Variants in STK32A observed in about 807,000 individuals in gnomAD.
STK32A encodes serine/threonine-protein kinase 32A.
In STK32A, 41 loss-of-function variants were observed where a neutral mutation model predicts 53.2. The observed-to-expected ratio is 0.77, with a 90% CI of 0.60 to 1.00. The LOEUF (loss-of-function observed/expected upper bound fraction) is 1.00. Among genes scored for constraint, STK32A ranks in the 50% least tolerant of loss-of-function variants. The pLI, the probability that STK32A is intolerant of heterozygous loss-of-function variation, is 0.00. For synonymous variants in STK32A, 166 were observed against 162.8 expected (o/e 1.02, Z -0.15); for missense variants, 458 against 485.8 (o/e 0.94, Z 0.54).
chr5:147,366,240 T>C (rs1323408631), intron 8 of STK32A, among the ~76,000 whole-genome samples: 3 of 152,200 alleles, frequency 2.0e-5, no homozygotes, highest in African/African-American at 4.8e-5. Flanking sequence ...TCTCAAAGCA[T>C]CTCTTGGGTT....
At chr5:147,337,701 GTGGGGGT>G (rs1360592120) in intron 5 of STK32A, among the ~76,000 whole-genome samples, 2 of 151,946 alleles carry the variant, frequency 1.3e-5, no homozygotes, top group South Asian at 4.2e-4. Flanking sequence ...TTACGTCCTA[GTGGGGGT>G]TGGGGGTTGG....
At chr5:147,369,215 T>C (rs1756900475) in intron 8 of STK32A, among the ~76,000 whole-genome samples, 1 of 152,130 alleles carries the variant, frequency 6.6e-6, no homozygotes, top group South Asian at 2.1e-4. Flanking sequence ...TGTTTTTAGA[T>C]CTTACTTAAA....
chr5:147,281,039 A>G (rs923061144), intron 4 of STK32A, among the ~76,000 whole-genome samples: 2 of 152,244 alleles, frequency 1.3e-5, no homozygotes, highest in Admixed American at 1.3e-4. Flanking sequence ...AGAGATAACA[A>G]TCACTGCAGT....
chr5:147,267,755 A>G (rs1037259935), intron 2 of STK32A, among the ~76,000 whole-genome samples: 9 of 152,178 alleles, frequency 5.9e-5, no homozygotes, highest in African/African-American at 2.2e-4. Context: ...ATTTATATAA[A>G]TACTTATCTA....
At chr5:147,315,767 G>A (rs1753963566) in intron 4 of STK32A, among the ~76,000 whole-genome samples, 1 of 152,154 alleles carries the variant, frequency 6.6e-6, no homozygotes, top group South Asian at 2.1e-4. Flanking sequence ...AATACAAGAA[G>A]TTACCAGTGG....
chr5:147,347,048 A>G (rs895300239), intron 6 of STK32A, among the ~76,000 whole-genome samples: 3 of 152,196 alleles, frequency 2.0e-5, no homozygotes, highest in Non-Finnish European at 4.4e-5. Context: ...CTCCCTAGGT[A>G]GTGCCTAAGG....
At chr5:147,313,883 A>T (rs1410612973) in intron 4 of STK32A, among the ~76,000 whole-genome samples, 1 of 152,206 alleles carries the variant, frequency 6.6e-6, no homozygotes, top group Non-Finnish European at 1.5e-5. Context: ...AAAAGAATGA[A>T]ATTGGAACCC....
intron 5 of STK32A, among the ~76,000 whole-genome samples, chr5:147,330,520 G>A (rs11957042): frequency 0.058 from 8,779 of 152,262 alleles, 859 homozygotes; most frequent in African/African-American, 0.2. Context: ...GGGGGTCACC[G>A]TACACAGTCT....
intron 4 of STK32A, among the ~76,000 whole-genome samples, chr5:147,313,460 C>G (rs542692211): frequency 6.6e-6 from 1 of 152,270 alleles, no homozygotes; most frequent in Non-Finnish European, 1.5e-5. Context: ...CCAGAGTATA[C>G]TGTTAAGTGA....
chr5:147,397,552 G>C, the STK32A span: 1 of 1,149,508 alleles, frequency 8.7e-7, no homozygotes, highest in South Asian at 1.8e-5. Context: ...GACTGTCACT[G>C]AATTTCTCTG....
At chr5:147,337,563 G>C (rs911124876) in intron 5 of STK32A, among the ~76,000 whole-genome samples, 1 of 152,130 alleles carries the variant, frequency 6.6e-6, no homozygotes. Flanking sequence ...TGAGAAACCA[G>C]GGGGCTGGGA....
chr5:147,308,963 GTTAT>G (rs1242857872), intron 4 of STK32A, among the ~76,000 whole-genome samples: 1 of 149,770 alleles, frequency 6.7e-6, no homozygotes, highest in Non-Finnish European at 1.5e-5. Flanking sequence ...ATTTATGTAT[GTTAT>G]TTATTATTTA....
chr5:147,316,949 A>T (rs1754025136), intron 4 of STK32A, among the ~76,000 whole-genome samples: 1 of 151,932 alleles, frequency 6.6e-6, no homozygotes, highest in African/African-American at 2.4e-5. Context: ...TGATTAAAGC[A>T]AGTTTCTCTG....
intron 1 of STK32A, among the ~76,000 whole-genome samples, chr5:147,237,822 A>T (rs1431631628): frequency 6.6e-6 from 1 of 152,204 alleles, no homozygotes; most frequent in Non-Finnish European, 1.5e-5. Flanking sequence ...TCCTAATGGG[A>T]AAACGAGCTT....
intron 11 of STK32A, among the ~76,000 whole-genome samples, chr5:147,381,284 T>A (rs1460159445): frequency 1.3e-5 from 2 of 152,196 alleles, no homozygotes; most frequent in African/African-American, 4.8e-5. Context: ...TCTTATGATG[T>A]ACTTGACAAA....
At chr5:147,333,494 T>C (rs1754972821) in intron 5 of STK32A, among the ~76,000 whole-genome samples, 2 of 152,244 alleles carry the variant, frequency 1.3e-5, no homozygotes, top group Non-Finnish European at 1.5e-5. Context: ...ATTTGAGTTA[T>C]GTAGTGGCTC....
intron 5 of STK32A, among the ~76,000 whole-genome samples, chr5:147,329,971 A>T (rs914769841): frequency 1.3e-5 from 2 of 152,176 alleles, no homozygotes; most frequent in African/African-American, 4.8e-5. Flanking sequence ...TATTCCACAC[A>T]TTCCTCTGTG....
intron 2 of STK32A, among the ~76,000 whole-genome samples, chr5:147,269,968 C>A (rs1390946202): frequency 1.3e-5 from 2 of 152,092 alleles, no homozygotes; most frequent in Non-Finnish European, 2.9e-5. Context: ...ATTTGGAAAC[C>A]TTTTTATTCT....
rs558032758 is a variant in STK32A, at chr5:147,286,580, C to T, written c.260+7182C>T. The stretch of plus-strand genomic sequence containing the variant: ...CTGTCTGGAATTTTCTTTTCTCCTG[C>T]TACCACCCTTTATTATTCTTGTCTC... On this transcript the variant is annotated intron_variant, in intron 4 of 12. Coordinates refer to ENST00000397936, the MANE Select transcript of STK32A (RefSeq NM_001112724.2). Among the ~76,000 whole-genome samples, 26 of 152,228 alleles carry T rather than the reference C, an allele frequency of 1.7e-4. No individual in the cohort carries two copies. In the South Asian group the frequency reaches 5.0e-3, roughly 29 times the overall value.
Sources: gnomAD v4.1 joint callset for allele counts (sites outside exome capture counted in the v4.1 genomes callset) on GRCh38, gnomAD v4.1.1 for gene constraint, MANE v1.5 for transcripts, NCBI Gene and HGNC (gene_info 2026-07-23, HGNC 2026-07-21) for gene names.